Variants in XIRP2 observed in about 807,000 individuals in gnomAD.
XIRP2 encodes the protein xin actin-binding repeat-containing protein 2.
A neutral mutation model predicts 277.0 loss-of-function variants in XIRP2; 236 were observed. That is an observed-to-expected ratio of 0.85 (90% CI 0.77 to 0.95). The LOEUF is 0.95. XIRP2 is among the 40% of genes least tolerant of loss of function. XIRP2 has a pLI of 0.00. For missense variants in XIRP2, 4,640 were observed against 4,157.5 expected, an observed-to-expected ratio of 1.12 and a Z score of -3.19; for synonymous variants, 1,490 against 1,416.5, an observed-to-expected ratio of 1.05 and a Z score of -1.17.
intron 10 of XIRP2, among the ~76,000 whole-genome samples, chr2:167,255,258 C>T (rs1695624981): frequency 6.6e-6 from 1 of 151,870 alleles, no homozygotes; most frequent in Admixed American, 6.6e-5. Flanking sequence ...CTCTGTGCAT[C>T]AGATGCTTAT....
chr2:167,019,066 C>T (rs993732587), intron 2 of XIRP2, among the ~76,000 whole-genome samples: 6 of 151,882 alleles, frequency 4.0e-5, no homozygotes, highest in African/African-American at 1.2e-4. Flanking sequence ...CAAAGGAGGT[C>T]TAGTTAGGTT....
chr2:167,071,374 T>C (rs2105251192), intron 2 of XIRP2, among the ~76,000 whole-genome samples: 1 of 152,204 alleles, frequency 6.6e-6, no homozygotes, highest in Middle Eastern at 3.4e-3. Context: ...TATTAAAAAG[T>C]AATATGAGTT....
intron 2 of XIRP2, among the ~76,000 whole-genome samples, chr2:167,044,983 C>A (rs1184817171): frequency 2.0e-5 from 3 of 151,594 alleles, no homozygotes; most frequent in African/African-American, 7.3e-5. Context: ...CATCACAATT[C>A]CTCATTTCAA....
intron 9 of XIRP2, among the ~76,000 whole-genome samples, chr2:167,253,449 G>A (rs1337726339): frequency 6.6e-6 from 1 of 151,784 alleles, no homozygotes; most frequent in East Asian, 1.9e-4. Context: ...GAGTCTCATT[G>A]CATTACAATT....
intron 2 of XIRP2, among the ~76,000 whole-genome samples, chr2:167,053,228 A>T (rs77710985): frequency 1.3e-5 from 2 of 152,224 alleles, no homozygotes; most frequent in Non-Finnish European, 2.9e-5. Context: ...ACAAATCCAT[A>T]TCTTAAATGG....
chr2:167,150,145 T>C (rs1691971199), intron 3 of XIRP2, among the ~76,000 whole-genome samples: 1 of 150,230 alleles, frequency 6.7e-6, no homozygotes, highest in Admixed American at 6.6e-5. Flanking sequence ...AAATTGTTCA[T>C]TCCTTAAAAA....
In XIRP2 at chr2:167,011,236, G is replaced by A. The variant is rs536849989; in HGVS notation, c.408+107346G>A. Reference sequence around the variant, plus strand: ...TCATAGATAGCTCTTATTATTTTGAGATACATCCCATCAATACCTATTTTA... The same window carrying A: ...TCATAGATAGCTCTTATTATTTTGAAATACATCCCATCAATACCTATTTTA... On this transcript the variant is annotated intron_variant, in intron 2 of 10. Coordinates refer to ENST00000409195, the MANE Select transcript of XIRP2 (RefSeq NM_152381.6). 9.7e-3 allele frequency among the ~76,000 whole-genome samples: 1,465 copies of A among 150,718 alleles called. 25 individuals are homozygous for A. The highest frequency in any genetic ancestry group is 0.035 in the African/African-American group (1,408 of 40,456).
intron 2 of XIRP2, among the ~76,000 whole-genome samples, chr2:167,074,377 CAGA>C (rs1689508749): frequency 2.0e-5 from 3 of 151,974 alleles, no homozygotes; most frequent in African/African-American, 7.3e-5. Context: ...ACTTGAAAAC[CAGA>C]ATCCTCTTAT....
chr2:166,909,843 G>C (rs1684649122), intron 2 of XIRP2, among the ~76,000 whole-genome samples: 2 of 152,172 alleles, frequency 1.3e-5, no homozygotes, highest in African/African-American at 2.4e-5. Context: ...TTTTGTCAAA[G>C]GCCTTTTCTG....
chr2:167,033,011 A>G (rs1201209346), intron 2 of XIRP2, among the ~76,000 whole-genome samples: 1 of 152,200 alleles, frequency 6.6e-6, no homozygotes, highest in Non-Finnish European at 1.5e-5. Context: ...TTACTGCAGC[A>G]CTATTTACTG....
intron 2 of XIRP2, among the ~76,000 whole-genome samples, chr2:167,010,879 A>G (rs1418700439): frequency 4.0e-5 from 6 of 151,734 alleles, no homozygotes; most frequent in Non-Finnish European, 7.4e-5. Flanking sequence ...TTTGTCTGTT[A>G]TTGGTGTATA....
intron 3 of XIRP2, among the ~76,000 whole-genome samples, chr2:167,160,152 A>G (rs551246521): frequency 5.8e-4 from 89 of 152,346 alleles, no homozygotes; most frequent in African/African-American, 2.0e-3. Context: ...AGAAATAACT[A>G]TGTGTCTCCT....
intron 2 of XIRP2, among the ~76,000 whole-genome samples, chr2:166,994,477 TA>T (rs553849285): frequency 0.18 from 17,523 of 96,552 alleles, 513 homozygotes; most frequent in Admixed American, 0.27. Flanking sequence ...TAGAGTATAA[TA>T]AAAAAAAAAA....
At chr2:167,169,483 G>C (rs916478827) in intron 3 of XIRP2, among the ~76,000 whole-genome samples, 1 of 152,172 alleles carries the variant, frequency 6.6e-6, no homozygotes, top group Non-Finnish European at 1.5e-5. Context: ...GTAAGTTTTG[G>C]TTCTGTGTAT....
intron 3 of XIRP2, among the ~76,000 whole-genome samples, chr2:167,201,219 A>AG (rs1693687641): frequency 2.3e-5 from 3 of 131,792 alleles, no homozygotes; most frequent in Admixed American, 2.2e-4. Flanking sequence ...AGAAAGAAAG[A>AG]AAGAAAGAAA....
chr2:167,248,485 C>T lies in XIRP2; in HGVS notation c.7093C>T (p.Pro2365Ser). ...SERESSSMFL[P>S]PPPPPTPSQK... ...AAGAGAAAGTTCATCGATGTTTCTG[C>T]CGCCTCCTCCTCCTCCAACTCCATC... Residue 2365 changes from proline to serine, a missense_variant, in exon 9 of 11, where the codon CCG becomes TCG. By Grantham distance (74) the Pro-to-Ser change is moderately conservative (BLOSUM62 -1). Transcript: ENST00000409195. 6.2e-7 allele frequency: 1 copy of T among 1,613,676 alleles called. No individual in the cohort carries two copies. Among genetic ancestry groups the T allele is most frequent in the Non-Finnish European group, 8.5e-7 (1 of 1,179,764 alleles).
At position 167,157,194 on chromosome 2, in the gene XIRP2, G is replaced by T. The variant is rs1053659133; in HGVS notation, c.562+21132G>T. Among the ~76,000 whole-genome samples the T allele has an allele frequency of 7.2e-5, 11 of 152,150 alleles. 1 individual carries two copies. The East Asian group carries it at 1.7e-3, about 24-fold the overall frequency. On this transcript the variant is annotated intron_variant, in intron 3 of 10. Coordinates refer to ENST00000409195, the MANE Select transcript of XIRP2 (RefSeq NM_152381.6). ...CATTCAAATGAAGTTCTTGAAAGAA[G>T]TGTTTGTCATGAGAGAGCTCAGTGT...
chr2:167,187,948 C>T (rs1693205762), intron 3 of XIRP2, among the ~76,000 whole-genome samples: 1 of 152,176 alleles, frequency 6.6e-6, no homozygotes, highest in African/African-American at 2.4e-5. Context: ...ACAACATTTT[C>T]AACTGTTACA....
chr2:166,987,007 G>C, intron 2 of XIRP2, among the ~76,000 whole-genome samples: 1 of 152,120 alleles, frequency 6.6e-6, no homozygotes, highest in South Asian at 2.1e-4. Flanking sequence ...TTAATAGTCT[G>C]TCTCATTTAG....
Sources: allele counts gnomAD v4.1 joint callset (sites outside exome capture counted in the v4.1 genomes callset), GRCh38; gene constraint gnomAD v4.1.1; transcripts MANE v1.5; gene names NCBI Gene and HGNC (gene_info 2026-07-23, HGNC 2026-07-21).